Variants in TOE1 observed in about 807,000 individuals in gnomAD.
TOE1 encodes target of EGR1, exonuclease, also known as target of EGR1 protein 1.
Under a neutral mutation model 49.2 loss-of-function variants are expected in TOE1, and 50 were observed. That is an observed-to-expected ratio of 1.02 (90% CI 0.81 to 1.29). TOE1 has a LOEUF of 1.29. TOE1 is among the 50% of genes most tolerant of loss of function. The pLI, the probability that TOE1 is intolerant of heterozygous loss-of-function variation, is 0.00. For missense variants in TOE1, 544 were observed against 654.4 expected (o/e 0.83, Z 1.84); for synonymous variants, 221 against 247.0 (o/e 0.89, Z 0.99).
At chr1:45,341,382 A>T in intron 3 of TOE1, 39 bp downstream of exon 3, 2 of 1,614,172 alleles carry the variant, frequency 1.2e-6, no homozygotes, top group Non-Finnish European at 1.7e-6. Flanking sequence ...CCAGCCCTCA[A>T]CTGTGGAGTG....
At position 45,342,826 on chromosome 1, in the gene TOE1, C is replaced by G; in HGVS notation, c.753-17C>G. 1 of 1,614,022 alleles carries G rather than the reference C, an allele frequency of 6.2e-7. No individual in the cohort carries two copies. The highest frequency in any genetic ancestry group is 1.1e-5 in the South Asian group (1 of 91,064). ...GCTTATATGCTAGTGGACCATTACC[C>G]TCTTGCGCTGTTGCAGTGAACGGGA... On this transcript the variant is annotated splice_polypyrimidine_tract_variant and intron_variant, in intron 6 of 7. Coordinates refer to ENST00000372090, the MANE Select transcript of TOE1 (RefSeq NM_025077.4).
intron 1 of TOE1, 46 bp from the exon 2 acceptor site, chr1:45,341,027 G>A: frequency 1.2e-6 from 2 of 1,612,284 alleles, no homozygotes; most frequent in Non-Finnish European, 1.7e-6. Flanking sequence ...TGTTCCCCTG[G>A]GCTCTTTCCT....
chr1:45,342,848 G>C lies in TOE1; in HGVS notation c.758G>C (p.Arg253Pro). The C allele has an allele frequency of 6.2e-7, 1 of 1,614,092 alleles. No homozygotes were observed. Among genetic ancestry groups the C allele is most frequent in the Non-Finnish European group, 8.5e-7 (1 of 1,180,010 alleles). Residue 253 changes from arginine (R) to proline (P), a missense_variant, in exon 7 of 8, where the codon CGG (arginine) becomes CCG (proline). Physicochemically the swap from Arg to Pro is moderately radical, Grantham distance 103. Transcript: ENST00000372090. ...YLEYAFRKCE[R>P]ENGKQRAAGS... is the part of the protein sequence containing the mutation. The stretch of plus-strand genomic sequence containing the variant: ...ACCCTCTTGCGCTGTTGCAGTGAAC[G>C]GGAAAATGGGAAGCAGCGGGCAGCT...
chr1:45,343,355 A>G lies in TOE1; in HGVS notation c.1186A>G (p.Lys396Glu), dbSNP rs1415054427. 6.2e-7 allele frequency: 1 copy of G among 1,613,940 alleles called. No individual in the cohort carries two copies. The highest frequency in any genetic ancestry group is 8.5e-7 in the Non-Finnish European group (1 of 1,180,014). Reference protein sequence around the residue: ...ADETRNLPHSKQGNKNDLEMG... With the variant: ...ADETRNLPHSEQGNKNDLEMG... Reference sequence around the variant, plus strand: ...TGAAACTAGGAACCTGCCTCACTCCAAGCAAGGCAACAAAAATGACTTAGA... The same window carrying G: ...TGAAACTAGGAACCTGCCTCACTCCGAGCAAGGCAACAAAAATGACTTAGA... The change falls in exon 8 of 8, where the codon AAG becomes GAG. Residue 396 changes from lysine (K) to glutamate (E), a missense_variant. By Grantham distance (56) the Lys-to-Glu change is moderately conservative. Coordinates refer to ENST00000372090, the MANE Select transcript of TOE1 (RefSeq NM_025077.4). The surrounding 1 kb of genome is among the most constrained non-coding windows in gnomAD (Gnocchi z 4.3).
chr1:45,342,737 A>G, intron 6 of TOE1, 94 bp downstream of exon 6: 1 of 1,600,258 alleles, frequency 6.2e-7, no homozygotes, highest in Non-Finnish European at 8.5e-7. Flanking sequence ...GTGCCCAGGC[A>G]GTGTTTTAGG....
At position 45,341,089 on chromosome 1, in the gene TOE1, C is replaced by T; in HGVS notation, c.69C>T (p.Ser23=). Residue 23 remains serine (S), a synonymous_variant, in exon 2 of 8, where the codon AGC becomes AGT. Transcript: ENST00000372090. ...AACCCCCAGGTGGTGTCAGCAAAAGCACAACATCTGGGGAGGAGCTAGTAG... is the reference window on the plus strand; with the variant it reads ...AACCCCCAGGTGGTGTCAGCAAAAGTACAACATCTGGGGAGGAGCTAGTAG... ...PAASDGGVSK[S]TTSGEELVVQ... The T allele has an allele frequency of 6.2e-7, 1 of 1,614,186 alleles. No homozygotes were observed. The highest frequency in any genetic ancestry group is 8.5e-7 in the Non-Finnish European group (1 of 1,180,034).
Position 45,341,153 on chromosome 1 carries a change from A to G in TOE1, c.133A>G (p.Lys45Glu). 6.2e-7 allele frequency: 1 copy of G among 1,614,190 alleles called. No homozygotes were observed. The highest frequency in any genetic ancestry group is 8.5e-7 in the Non-Finnish European group (1 of 1,180,042). The change falls in exon 2 of 8, where the codon AAG becomes GAG. Residue 45 changes from lysine (K) to glutamate (E), a missense_variant. Physicochemically the swap from Lys to Glu is moderately conservative, Grantham distance 56. Coordinates refer to ENST00000372090, the MANE Select transcript of TOE1 (RefSeq NM_025077.4). ...PVVDVQSNNF[K>E]EMWPSLLLAI... ...AGTGGATGTGCAAAGCAACAACTTCAAGGAGATGTGGCCATCCCTCCTGCT... is the reference window on the plus strand; with the variant it reads ...AGTGGATGTGCAAAGCAACAACTTCGAGGAGATGTGGCCATCCCTCCTGCT...
At position 45,343,101 on chromosome 1, in the gene TOE1, T is replaced by G. The variant is rs759850221; in HGVS notation, c.932T>G (p.Leu311Arg). The change falls in exon 8 of 8, where the codon CTG (leucine) becomes CGG (arginine). Residue 311 changes from leucine to arginine, a missense_variant. Physicochemically the swap from Leu to Arg is moderately radical, Grantham distance 102 (BLOSUM62 -2). Coordinates refer to ENST00000372090, the MANE Select transcript of TOE1 (RefSeq NM_025077.4). This position sits in a 1 kb window ranked among gnomAD's most constrained non-coding sequence, Gnocchi z 4.3. ...CCCTAGGCTTATGGCTGGTGCCCCC[T>G]GGGACCACAGTGTCCTCAGTCTCAC... ...DNFSAYGWCP[L>R]GPQCPQSHDI... 2 of 1,613,436 alleles carry G rather than the reference T, an allele frequency of 1.2e-6. No individual in the cohort carries two copies. Among genetic ancestry groups the G allele is most frequent in the African/African-American group, 1.3e-5 (1 of 74,810 alleles).
Position 45,342,058 on chromosome 1 carries a change from T to A in TOE1, c.443T>A (p.Phe148Tyr), listed in dbSNP as rs148067486. The change falls in exon 5 of 8, where the codon TTC (phenylalanine) becomes TAC (tyrosine). Residue 148 changes from phenylalanine to tyrosine, a missense_variant. Phe to Tyr is a conservative substitution (Grantham distance 22, BLOSUM62 3). Transcript: ENST00000372090. ...TTCCTGATACAGCATGGCTTCAACT[T>A]CAACCAGCAGTATGCCCAAGGCATC... ...VQFLIQHGFN[F>Y]NQQYAQGIPY... is the part of the protein sequence containing the mutation. 36 of 1,613,896 alleles carry A rather than the reference T, an allele frequency of 2.2e-5. No individual in the cohort carries two copies. Among genetic ancestry groups the A allele is most frequent in the Non-Finnish European group, 3.0e-5 (35 of 1,179,918 alleles).
chr1:45,343,277 G>A lies in TOE1; in HGVS notation c.1108G>A (p.Val370Ile), dbSNP rs1470111012. ...TAAGGATGGTCCTCCCAAGAAGCAG[G>A]TCTGTGGGGATAGCATCAAGCCTGA... is the stretch of plus-strand genomic sequence containing the variant. ...EAKDGPPKKQ[V>I]CGDSIKPEET... Residue 370 changes from valine (V) to isoleucine (I), a missense_variant, in exon 8 of 8, where the codon GTC (valine) becomes ATC (isoleucine). Coordinates refer to ENST00000372090, the MANE Select transcript of TOE1 (RefSeq NM_025077.4). The surrounding 1 kb of genome is among the most constrained non-coding windows in gnomAD (Gnocchi z 4.3). 1 of 1,613,966 alleles carries A rather than the reference G, an allele frequency of 6.2e-7. No individual in the cohort carries two copies. Among genetic ancestry groups the A allele is most frequent in the African/African-American group, 1.3e-5 (1 of 74,904 alleles).
In TOE1 at chr1:45,343,161, C is replaced by A. The variant is rs375841165; in HGVS notation, c.992C>A (p.Ala331Glu). The A allele has an allele frequency of 1.9e-6, 3 of 1,613,718 alleles. No homozygotes were observed. The highest frequency in any genetic ancestry group is 3.3e-5 in the Admixed American group (2 of 59,986). Residue 331 changes from alanine (A) to glutamate (E), a missense_variant, in exon 8 of 8, where the codon GCG becomes GAG. By Grantham distance (107) the Ala-to-Glu change is moderately radical (BLOSUM62 -1). Coordinates refer to ENST00000372090, the MANE Select transcript of TOE1 (RefSeq NM_025077.4). The surrounding 1 kb of genome is among the most constrained non-coding windows in gnomAD (Gnocchi z 4.3). ...CTTATCATTGACACTGATGAGGCTG[C>A]GGCAGAGGACAAGCGGCGACGGCGA... is the stretch of plus-strand genomic sequence containing the variant. Reference protein sequence around the residue: ...IDLIIDTDEAAAEDKRRRRRR... With the variant: ...IDLIIDTDEAEAEDKRRRRRR...
In TOE1 at chr1:45,343,686, C is replaced by T; in HGVS notation, c.1517C>T (p.Thr506Ile). 1 of 1,608,212 alleles carries T rather than the reference C, an allele frequency of 6.2e-7. No individual in the cohort carries two copies. Among genetic ancestry groups the T allele is most frequent in the Non-Finnish European group, 8.5e-7 (1 of 1,175,116 alleles). Residue 506 changes from threonine (T) to isoleucine (I), a missense_variant, in exon 8 of 8, where the codon ACT becomes ATT. Thr to Ile is a moderately conservative substitution (Grantham distance 89). Coordinates refer to ENST00000372090, the MANE Select transcript of TOE1 (RefSeq NM_025077.4). The surrounding 1 kb of genome is among the most constrained non-coding windows in gnomAD (Gnocchi z 4.3). ...SKAHNQKMKL[T>I]WGSS ...GCCCACAATCAGAAGATGAAGCTCA[C>T]TTGGGGCAGTAGCTGATGCAACTTC...
chr1:45,342,941 G>C lies in TOE1; in HGVS notation c.851G>C (p.Arg284Pro). ...AGCATGAGGGACCATATTGATTACC[G>C]CTGCTGCCTGCCCCCAGCAACCCAC... Reference protein sequence around the residue: ...PSSMRDHIDYRCCLPPATHRP... With the variant: ...PSSMRDHIDYPCCLPPATHRP... The change falls in exon 7 of 8, where the codon CGC becomes CCC. Residue 284 changes from arginine (R) to proline (P), a missense_variant. By Grantham distance (103) the Arg-to-Pro change is moderately radical. Coordinates refer to ENST00000372090, the MANE Select transcript of TOE1 (RefSeq NM_025077.4). 6.2e-7 allele frequency: 1 copy of C among 1,613,738 alleles called. No individual in the cohort carries two copies. Among genetic ancestry groups the C allele is most frequent in the Non-Finnish European group, 8.5e-7 (1 of 1,179,968 alleles).
intron 1 of TOE1, among the ~76,000 whole-genome samples, 178 bp from the exon 2 acceptor site, chr1:45,340,895 A>G (rs1646911432): frequency 1.3e-5 from 2 of 152,132 alleles, no homozygotes. Context: ...CTCTCCCCAA[A>G]TTCAGGGCAT....
Position 45,343,467 on chromosome 1 carries a change from C to T in TOE1, c.1298C>T (p.Pro433Leu). ...AGCCAAGCCAGTCCTAACCCAGTGC[C>T]TGGGGATGGATTGCACCGGGCTGGT... is the stretch of plus-strand genomic sequence containing the variant. ...PGSQASPNPVPGDGLHRAGFD... is the reference protein window; with the variant it reads ...PGSQASPNPVLGDGLHRAGFD... The change falls in exon 8 of 8, where the codon CCT becomes CTT. Residue 433 changes from proline to leucine, a missense_variant. Physicochemically the swap from Pro to Leu is moderately conservative, Grantham distance 98. Transcript: ENST00000372090. The surrounding 1 kb of genome is among the most constrained non-coding windows in gnomAD (Gnocchi z 4.3). The T allele has an allele frequency of 1.2e-6, 2 of 1,614,160 alleles. No individual in the cohort carries two copies. Among genetic ancestry groups the T allele is most frequent in the Non-Finnish European group, 1.7e-6 (2 of 1,180,026 alleles).
rs1329903659 is a variant in TOE1, at chr1:45,341,570, G to C, written c.333+1G>C. ...CTGCTTCAAGCGGCAGCCAGACAAG[G>C]TATGAGCTGATCTCACCCCAATCCT... is the stretch of plus-strand genomic sequence containing the variant. On this transcript the variant is annotated splice_donor_variant, in intron 4 of 7. Coordinates refer to ENST00000372090, the MANE Select transcript of TOE1 (RefSeq NM_025077.4). LOFTEE classifies it high-confidence loss of function. 6.2e-7 allele frequency: 1 copy of C among 1,612,600 alleles called. No individual in the cohort carries two copies. The highest frequency in any genetic ancestry group is 8.5e-7 in the Non-Finnish European group (1 of 1,179,316).
At chr1:45,340,921 C>CT in intron 1 of TOE1, 152 bp from the exon 2 acceptor site, 1 of 1,100,892 alleles carries the variant, frequency 9.1e-7, no homozygotes, top group Non-Finnish European at 1.3e-6. Context: ...ACTCCAAGGC[C>CT]TGTGTGTAGA....
At chr1:45,340,352 G>A in intron 1 of TOE1, 48 bp downstream of exon 1, 4 of 1,585,948 alleles carry the variant, frequency 2.5e-6, no homozygotes, top group Non-Finnish European at 3.4e-6. Flanking sequence ...CGCTCTGGGA[G>A]AGGGGAAGGC....
At chr1:45,342,808 T>A (rs1305188458) in intron 6 of TOE1, 35 bp from the exon 7 acceptor site, 2 of 1,613,638 alleles carry the variant, frequency 1.2e-6, no homozygotes, top group Non-Finnish European at 1.7e-6. Context: ...GGAGCTTATA[T>A]GCTAGTGGAC....
Sources: gnomAD v4.1 joint callset for allele counts (sites outside exome capture counted in the v4.1 genomes callset) on GRCh38, gnomAD v4.1.1 for gene constraint, Gnocchi (gnomAD v3.1) non-coding constraint, MANE v1.5 for transcripts, NCBI Gene and HGNC (gene_info 2026-07-23, HGNC 2026-07-21) for gene names.